Variants in DNAJB9 observed in about 807,000 individuals in gnomAD.
DNAJB9 encodes the protein dnaJ homolog subfamily B member 9.
Under a neutral mutation model 19.2 loss-of-function variants are expected in DNAJB9, and 12 were observed. The observed-to-expected ratio is 0.62, with a 90% confidence interval of 0.40 to 1.01. The LOEUF (loss-of-function observed/expected upper bound fraction) is 1.01. Among genes scored for constraint, DNAJB9 ranks in the 50% least tolerant of loss-of-function variants. The pLI is 0.00. For synonymous variants in DNAJB9, 83 were observed against 84.0 expected (o/e 0.99, Z 0.07); for missense variants, 272 against 261.1 (o/e 1.04, Z -0.29).
At position 108,573,343 on chromosome 7, in the gene DNAJB9, C is replaced by G; in HGVS notation, c.662C>G (p.Ser221Ter). 1.3e-6 allele frequency: 2 copies of G among 1,566,684 alleles called. No homozygotes were observed. The highest frequency in any genetic ancestry group is 1.7e-6 in the Non-Finnish European group (2 of 1,158,288). ...ATGGTTACTACATACACTGACTGTT[C>G]AGGACAGTAGTTCTTATTCTATTCT... The part of the protein sequence containing the change: ...GNMVTTYTDC[S>*]GQ Residue 221 changes from serine to a stop codon, truncating the protein, a stop_gained, in exon 3 of 3, where the codon TCA (serine) becomes TGA (stop). Coordinates refer to ENST00000249356, the MANE Select transcript of DNAJB9 (RefSeq NM_012328.3). LOFTEE classifies it high-confidence loss of function.
chr7:108,572,479 A>G (rs967509181), intron 2 of DNAJB9, among the ~76,000 whole-genome samples: 2 of 152,220 alleles, frequency 1.3e-5, no homozygotes, highest in Admixed American at 6.5e-5. Context: ...AGGGAGTTAG[A>G]ATTAAACAGT....
At position 108,571,826 on chromosome 7, in the gene DNAJB9, C is replaced by T; in HGVS notation, c.100C>T (p.Pro34Ser). ...SKSYYDILGV[P>S]KSASERQIKK... ...AAGCTACTATGATATCTTAGGTGTG[C>T]CAAAATCGGCATCAGAGCGCCAAAT... Residue 34 changes from proline (P) to serine (S), a missense_variant, in exon 2 of 3, where the codon CCA (proline) becomes TCA (serine). Transcript: ENST00000249356. The T allele has an allele frequency of 6.2e-7, 1 of 1,614,032 alleles. No homozygotes were observed. Among genetic ancestry groups the T allele is most frequent in the Non-Finnish European group, 8.5e-7 (1 of 1,180,006 alleles).
chr7:108,574,151 A>G lies in DNAJB9; in HGVS notation c.*798A>G, dbSNP rs1790666783. 1 of 152,538 alleles carries G rather than the reference A, an allele frequency of 6.6e-6. No homozygotes were observed. Among genetic ancestry groups the G allele is most frequent in the South Asian group, 2.1e-4 (1 of 4,834 alleles). 9.4% of individuals were successfully genotyped at this position (152,538 alleles called of 1,614,324 possible). The stretch of plus-strand genomic sequence containing the variant: ...GTGTGTGTAGTTTATCCTCTCTCTC[A>G]TCTTTATCTAGAGATTGACTGATAC... On this transcript the variant is annotated 3_prime_UTR_variant, in exon 3 of 3. Coordinates refer to ENST00000249356, the MANE Select transcript of DNAJB9 (RefSeq NM_012328.3).
In DNAJB9 at chr7:108,574,205, A is replaced by G. The variant is rs896991102; in HGVS notation, c.*852A>G. On this transcript the variant is annotated 3_prime_UTR_variant, in exon 3 of 3. Coordinates refer to ENST00000249356, the MANE Select transcript of DNAJB9 (RefSeq NM_012328.3). ...ATTCTGTTTGTAAAACCAGCCAGTA[A>G]TTTCTGTGCAACCTTACTATGTGCA... The G allele has an allele frequency of 2.6e-5, 4 of 152,546 alleles. No homozygotes were observed. The highest frequency in any genetic ancestry group is 5.9e-5 in the Non-Finnish European group (4 of 68,000). 9.4% of individuals were successfully genotyped at this position (152,546 alleles called of 1,614,324 possible). A position where few individuals can be genotyped will look rare whatever the true frequency, so the allele number is the denominator to read the frequency against.
chr7:108,573,305 A>C lies in DNAJB9; in HGVS notation c.624A>C (p.Gln208His), dbSNP rs765552435. 2 of 1,609,546 alleles carry C rather than the reference A, an allele frequency of 1.2e-6. No homozygotes were observed. The highest frequency in any genetic ancestry group is 3.4e-5 in the Admixed American group (2 of 59,390). Residue 208 changes from glutamine (Q) to histidine (H), a missense_variant, in exon 3 of 3, where the codon CAA (glutamine) becomes CAC (histidine). Coordinates refer to ENST00000249356, the MANE Select transcript of DNAJB9 (RefSeq NM_012328.3). ...GSSKHCRTVT[Q>H]RRGNMVTTYT... ...GCAAGCACTGCAGGACTGTCACTCAACGAAGAGGAAATATGGTTACTACAT... is the reference window on the plus strand; with the variant it reads ...GCAAGCACTGCAGGACTGTCACTCACCGAAGAGGAAATATGGTTACTACAT...
intron 1 of DNAJB9, among the ~76,000 whole-genome samples, 171 bp from the exon 2 acceptor site, chr7:108,571,546 A>G (rs1353520245): frequency 1.3e-5 from 2 of 152,218 alleles, no homozygotes; most frequent in Non-Finnish European, 2.9e-5. Flanking sequence ...AGGTTAAGCC[A>G]GTTTGAGAGT....
In DNAJB9 at chr7:108,574,502, T is replaced by G. The variant is rs1790672637; in HGVS notation, c.*1149T>G. On this transcript the variant is annotated 3_prime_UTR_variant, in exon 3 of 3. Transcript: ENST00000249356. ...ATATGCTGATCACAGGCTATATTCA[T>G]GAAGTTACTTTTGACCAACCTGAAA... 6.6e-6 allele frequency: 1 copy of G among 152,222 alleles called. No homozygotes were observed. The highest frequency in any genetic ancestry group is 1.5e-5 in the Non-Finnish European group (1 of 68,016). 9.4% of individuals were successfully genotyped at this position (152,222 alleles called of 1,614,324 possible). A position where few individuals can be genotyped will look rare whatever the true frequency, so the allele number is the denominator to read the frequency against.
intron 1 of DNAJB9, among the ~76,000 whole-genome samples, chr7:108,570,787 C>A (rs1584292742): frequency 6.6e-6 from 1 of 152,072 alleles, no homozygotes; most frequent in African/African-American, 2.4e-5. Context: ...TTCCACAAAC[C>A]GTAGTGTTTT....
At chr7:108,572,564 A>G (rs548637018) in intron 2 of DNAJB9, among the ~76,000 whole-genome samples, 1 of 152,322 alleles carries the variant, frequency 6.6e-6, no homozygotes, top group East Asian at 1.9e-4. Flanking sequence ...TTTTAATACA[A>G]TTAATGATTT....
intron 1 of DNAJB9, among the ~76,000 whole-genome samples, chr7:108,570,420 C>T (rs1425321831): frequency 6.6e-6 from 1 of 151,994 alleles, no homozygotes; most frequent in Non-Finnish European, 1.5e-5. Context: ...AGCCGCCCAC[C>T]GAGGCTGGGG....
At chr7:108,572,039 G>T in intron 2 of DNAJB9, 96 bp downstream of exon 2, 1 of 1,192,220 alleles carries the variant, frequency 8.4e-7, no homozygotes, top group Non-Finnish European at 1.2e-6. Context: ...TGTGGAGATG[G>T]GAGGTGGAGT....
rs1432058471 is a variant in DNAJB9, at chr7:108,571,936, T to C, written c.210T>C (p.Ile70=). ...SPDAEAKFRE[I]AEAYETLSDA... ...ATGCTGAAGCAAAATTCAGAGAGAT[T>C]GCAGAAGGTAAATAAATGACAATCT... is the stretch of plus-strand genomic sequence containing the variant. The change falls in exon 2 of 3, where the codon ATT becomes ATC. Residue 70 remains isoleucine, a synonymous_variant. Transcript: ENST00000249356. 6.2e-7 allele frequency: 1 copy of C among 1,613,890 alleles called. No individual in the cohort carries two copies. Among genetic ancestry groups the C allele is most frequent in the Non-Finnish European group, 8.5e-7 (1 of 1,179,914 alleles).
Position 108,573,164 on chromosome 7 carries a change from T to G in DNAJB9, c.483T>G (p.Phe161Leu). The change falls in exon 3 of 3, where the codon TTT (phenylalanine) becomes TTG (leucine). Residue 161 changes from phenylalanine (F) to leucine (L), a missense_variant. Physicochemically the swap from Phe to Leu is conservative, Grantham distance 22. Transcript: ENST00000249356. ...GGCATCATTTCCAAGAATTTTCTTT[T>G]GGAGGTGGATTATTTGATGACATGT... ...RQRHHFQEFSFGGGLFDDMFE... is the reference protein window; with the variant it reads ...RQRHHFQEFSLGGGLFDDMFE... 1 of 1,614,066 alleles carries G rather than the reference T, an allele frequency of 6.2e-7. No homozygotes were observed. Among genetic ancestry groups the G allele is most frequent in the South Asian group, 1.1e-5 (1 of 91,082 alleles).
rs1790650884 is a variant in DNAJB9 at position 108,573,375 on chromosome 7, A to G, written c.*22A>G. 2 of 1,471,796 alleles carry G rather than the reference A, an allele frequency of 1.4e-6. No homozygotes were observed. The highest frequency in any genetic ancestry group is 9.0e-7 in the Non-Finnish European group (1 of 1,109,834). The allele number at this position is 1,471,796 out of a possible 1,614,324, so 91.2% of individuals were successfully genotyped here. A position where few individuals can be genotyped will look rare whatever the true frequency, so the allele number is the denominator to read the frequency against. On this transcript the variant is annotated 3_prime_UTR_variant, in exon 3 of 3. Coordinates refer to ENST00000249356, the MANE Select transcript of DNAJB9 (RefSeq NM_012328.3). Reference sequence around the variant, plus strand: ...GTAGTTCTTATTCTATTCTCACTAAATCCAACTGGTTGACTCTTCCTCATT... The same window carrying G: ...GTAGTTCTTATTCTATTCTCACTAAGTCCAACTGGTTGACTCTTCCTCATT...
rs1461709567 is a variant in DNAJB9, at chr7:108,574,510, CT to C, written c.*1161del. ...ATCACAGGCTATATTCATGAAGTTA[CT>C]TTTGACCAACCTGAAAACTGATAGG... is the stretch of plus-strand genomic sequence containing the variant. On this transcript the variant is annotated 3_prime_UTR_variant, in exon 3 of 3. Coordinates refer to ENST00000249356, the MANE Select transcript of DNAJB9 (RefSeq NM_012328.3). 1 of 152,176 alleles carries C rather than the reference CT, an allele frequency of 6.6e-6. No individual in the cohort carries two copies. The highest frequency in any genetic ancestry group is 1.5e-5 in the Non-Finnish European group (1 of 68,010). 9.4% of individuals were successfully genotyped at this position (152,176 alleles called of 1,614,324 possible).
At chr7:108,571,053 A>T (rs2154518252) in intron 1 of DNAJB9, among the ~76,000 whole-genome samples, 1 of 152,352 alleles carries the variant, frequency 6.6e-6, no homozygotes, top group East Asian at 1.9e-4. Flanking sequence ...AGAAATCTTA[A>T]ATTCTGTTCA....
intron 2 of DNAJB9, 39 bp downstream of exon 2, chr7:108,571,982 A>C: frequency 6.3e-7 from 1 of 1,588,402 alleles, no homozygotes. Flanking sequence ...ATGGGTATTA[A>C]CTAGTAAGGA....
intron 2 of DNAJB9, among the ~76,000 whole-genome samples, chr7:108,572,630 T>A (rs1489563480): frequency 2.0e-5 from 3 of 152,224 alleles, no homozygotes; most frequent in Non-Finnish European, 4.4e-5. Flanking sequence ...TGTTTATTTG[T>A]AGTAATGGTA....
intron 2 of DNAJB9, chr7:108,572,194 T>C (rs572963906): frequency 4.7e-5 from 15 of 319,224 alleles, no homozygotes; most frequent in African/African-American, 8.6e-5. Flanking sequence ...TTCTATATTA[T>C]TTATAAGATC....
Sources: allele counts gnomAD v4.1 joint callset (sites outside exome capture counted in the v4.1 genomes callset), GRCh38; gene constraint gnomAD v4.1.1; transcripts MANE v1.5; gene names NCBI Gene and HGNC (gene_info 2026-07-23, HGNC 2026-07-21).